Variants in MACROD2 observed in about 807,000 individuals in gnomAD.
The protein encoded by MACROD2 is ADP-ribose glycohydrolase MACROD2.
MACROD2 carries 36 observed loss-of-function variants against 70.4 expected under a neutral mutation model. That is an observed-to-expected ratio of 0.51 (90% CI 0.39 to 0.68). The LOEUF is 0.68. Ranked by LOEUF, MACROD2 falls within the 30% of genes least tolerant of loss-of-function variation. The probability of loss-of-function intolerance (pLI) is 0.00; values close to 1 mark genes in which losing one functional copy is unlikely to be tolerated. For missense variants in MACROD2, 496 were observed against 538.4 expected (o/e 0.92, Z 0.78); for synonymous variants, 172 against 178.8 (o/e 0.96, Z 0.30).
At chr20:15,477,607 T>C (rs963895093) in intron 7 of MACROD2, among the ~76,000 whole-genome samples, 12 of 152,034 alleles carry the variant, frequency 7.9e-5, no homozygotes, top group Non-Finnish European at 1.3e-4. Flanking sequence ...CAATGAAGGG[T>C]ACATTAACAA....
chr20:15,966,464 A>G (rs1414401798), intron 12 of MACROD2, among the ~76,000 whole-genome samples: 1 of 152,208 alleles, frequency 6.6e-6, no homozygotes, highest in African/African-American at 2.4e-5. Flanking sequence ...GTGTCTGGGC[A>G]GGTGTGATGG....
intron 6 of MACROD2, among the ~76,000 whole-genome samples, chr20:15,408,709 T>C (rs2046037689): frequency 6.6e-6 from 1 of 152,242 alleles, no homozygotes; most frequent in Non-Finnish European, 1.5e-5. Context: ...TGTGCTGCTA[T>C]ATAAATACAC....
rs186880543 is a variant in MACROD2, at chr20:14,306,184, C to T, written c.272-187295C>T. Among the ~76,000 whole-genome samples, 38 of 152,140 alleles carry T rather than the reference C, an allele frequency of 2.5e-4. 1 individual carries two copies. In the East Asian group the frequency reaches 7.1e-3, roughly 29 times the overall value. On this transcript the variant is annotated intron_variant, in intron 3 of 17. Coordinates refer to ENST00000684519, the MANE Select transcript of MACROD2 (RefSeq NM_001351661.2). The stretch of plus-strand genomic sequence containing the variant: ...CATTATTCATCTTTCTTGACTTTCC[C>T]TCTATTAAGTTGGGAATGTTGTTAA...
chr20:14,614,288 G>T (rs1019558862), intron 4 of MACROD2, among the ~76,000 whole-genome samples: 2 of 152,082 alleles, frequency 1.3e-5, no homozygotes, highest in African/African-American at 4.8e-5. Flanking sequence ...TTAACTTGGG[G>T]TAAGTGCTTA....
At chr20:14,820,262 G>A (rs180801156) in intron 5 of MACROD2, among the ~76,000 whole-genome samples, 10 of 151,982 alleles carry the variant, frequency 6.6e-5, no homozygotes, top group African/African-American at 2.4e-4. Context: ...CAAAGATCTG[G>A]AGGAACCTCA....
At chr20:15,473,268 G>A (rs1386149024) in intron 7 of MACROD2, among the ~76,000 whole-genome samples, 1 of 152,234 alleles carries the variant, frequency 6.6e-6, no homozygotes, top group East Asian at 1.9e-4. Flanking sequence ...TTCAATAGAT[G>A]TTGAGTGAAA....
chr20:15,234,007 ATATTCTTTT>A (rs2076986673), intron 6 of MACROD2, among the ~76,000 whole-genome samples: 1 of 49,658 alleles, frequency 2.0e-5, no homozygotes, highest in Non-Finnish European at 4.0e-5. Context: ...ATATATATAT[ATATTCTTTT>A]TTTTTTTTTT....
chr20:15,897,261 G>A (rs773156590), intron 10 of MACROD2, among the ~76,000 whole-genome samples: 2 of 152,076 alleles, frequency 1.3e-5, no homozygotes, highest in Non-Finnish European at 2.9e-5. Context: ...TAGTTGTTAA[G>A]GAATATTTCC....
At chr20:15,053,920 T>C (rs971804135) in intron 5 of MACROD2, among the ~76,000 whole-genome samples, 2 of 152,218 alleles carry the variant, frequency 1.3e-5, no homozygotes, top group Non-Finnish European at 2.9e-5. Context: ...AAGAAATTGA[T>C]TTCAACTCTT....
chr20:15,834,925 T>C (rs1028717617), intron 8 of MACROD2, among the ~76,000 whole-genome samples: 1 of 152,158 alleles, frequency 6.6e-6, no homozygotes, highest in Non-Finnish European at 1.5e-5. Flanking sequence ...GAGAATATGG[T>C]AGAAGCGATG....
chr20:15,721,428 T>A (rs1173556501), intron 8 of MACROD2, among the ~76,000 whole-genome samples: 2 of 152,212 alleles, frequency 1.3e-5, no homozygotes, highest in African/African-American at 4.8e-5. Flanking sequence ...AGCTATAGTT[T>A]CATCCTTGAC....
At chr20:15,706,612 C>T (rs1404900640) in intron 8 of MACROD2, among the ~76,000 whole-genome samples, 1 of 152,136 alleles carries the variant, frequency 6.6e-6, no homozygotes, top group Admixed American at 6.5e-5. Flanking sequence ...TTTTACACGT[C>T]GTTAATTCCA....
At chr20:14,970,409 A>G (rs1317444693) in intron 5 of MACROD2, among the ~76,000 whole-genome samples, 2 of 152,148 alleles carry the variant, frequency 1.3e-5, no homozygotes, top group African/African-American at 2.4e-5. Context: ...TTTTCAAGCT[A>G]CTTTAAAAAA....
intron 7 of MACROD2, among the ~76,000 whole-genome samples, chr20:15,479,439 A>C (rs984672727): frequency 6.6e-6 from 1 of 150,882 alleles, no homozygotes; most frequent in Non-Finnish European, 1.5e-5. Context: ...CGCCCGGCTA[A>C]TTTTTTGTAT....
At chr20:14,753,117 T>C (rs1427084153) in intron 5 of MACROD2, among the ~76,000 whole-genome samples, 2 of 152,110 alleles carry the variant, frequency 1.3e-5, no homozygotes, top group Non-Finnish European at 2.9e-5. Context: ...TATTTATTTT[T>C]CTGAACCCAC....
chr20:15,949,985 G>C (rs2147362801), intron 12 of MACROD2, among the ~76,000 whole-genome samples: 1 of 152,196 alleles, frequency 6.6e-6, no homozygotes, highest in East Asian at 1.9e-4. Flanking sequence ...ACTCCCAAAA[G>C]TGTACTATTT....
chr20:14,967,754 A>G (rs2074652237), intron 5 of MACROD2, among the ~76,000 whole-genome samples: 1 of 152,164 alleles, frequency 6.6e-6, no homozygotes, highest in African/African-American at 2.4e-5. Context: ...GAAGTCTGCC[A>G]ATTTACTTCA....
chr20:15,642,875 T>C (rs2049484075), intron 8 of MACROD2, among the ~76,000 whole-genome samples: 1 of 152,094 alleles, frequency 6.6e-6, no homozygotes. Context: ...ACATTCTGTC[T>C]GGACTCATGG....
chr20:15,551,042 G>C (rs1259621911), intron 8 of MACROD2, among the ~76,000 whole-genome samples: 1 of 152,168 alleles, frequency 6.6e-6, no homozygotes, highest in Admixed American at 6.6e-5. Flanking sequence ...AAAAGAAAGT[G>C]TTAGAGATAC....
Sources: gnomAD v4.1 joint callset for allele counts (sites outside exome capture counted in the v4.1 genomes callset) on GRCh38, gnomAD v4.1.1 for gene constraint, MANE v1.5 for transcripts, NCBI Gene and HGNC (gene_info 2026-07-23, HGNC 2026-07-21) for gene names.